Variants in SLC8A1 observed in about 807,000 individuals in gnomAD.
The protein encoded by SLC8A1 is sodium/calcium exchanger 1.
A neutral mutation model predicts 68.3 loss-of-function variants in SLC8A1; 18 were observed. The ratio of observed to expected loss-of-function variants is 0.26; its 90% CI spans 0.18 to 0.39. The LOEUF is 0.39. Ranked by LOEUF, SLC8A1 falls within the 10% of genes least tolerant of loss-of-function variation. The pLI, the probability that SLC8A1 is intolerant of heterozygous loss-of-function variation, is 1.00. For synonymous variants in SLC8A1, 475 were observed against 415.5 expected, an observed-to-expected ratio of 1.14 and a Z score of -1.74; for missense variants, 985 against 1,156.7, an observed-to-expected ratio of 0.85 and a Z score of 2.15.
At chr2:40,342,924 T>A (rs546769373) in intron 2 of SLC8A1, among the ~76,000 whole-genome samples, 2 of 152,134 alleles carry the variant, frequency 1.3e-5, no homozygotes, top group South Asian at 4.1e-4. Context: ...GGGTAAAATG[T>A]GTCTGCACAG....
chr2:40,179,712 G>A (rs541458792), intron 2 of SLC8A1, among the ~76,000 whole-genome samples: 2 of 152,202 alleles, frequency 1.3e-5, no homozygotes, highest in South Asian at 2.1e-4. Flanking sequence ...GAAGGAAATT[G>A]GCTTATGATC....
At chr2:40,292,273 G>T (rs1157444554) in intron 2 of SLC8A1, among the ~76,000 whole-genome samples, 2 of 152,096 alleles carry the variant, frequency 1.3e-5, no homozygotes, top group Non-Finnish European at 2.9e-5. Flanking sequence ...CACAAGAGAA[G>T]CCATCAAAAG....
chr2:40,335,888 A>G (rs144689235), intron 2 of SLC8A1, among the ~76,000 whole-genome samples: 204 of 152,352 alleles, frequency 1.3e-3, no homozygotes, highest in African/African-American at 4.8e-3. Context: ...CAAGAAAGAG[A>G]TAAGTGAATT....
rs1344614892 is a variant in SLC8A1, at chr2:40,170,472, G to A, written c.1930+4353C>T. 9.7e-5 allele frequency: 78 copies of A among 802,504 alleles called. 1 individual carries two copies. In the Admixed American group the frequency reaches 1.6e-3, roughly 17 times the overall value. 49.7% of individuals were successfully genotyped at this position (802,504 alleles called of 1,614,324 possible). A position where few individuals can be genotyped will look rare whatever the true frequency, so the allele number is the denominator to read the frequency against. The stretch of plus-strand genomic sequence containing the variant: ...CACACATCACAAGCAACGTTAGTTT[G>A]GGGATTCAATGATCATAGGTCACCC... On this transcript the variant is annotated intron_variant, in intron 4 of 7. Coordinates refer to ENST00000406785, the Ensembl canonical transcript of SLC8A1.
At chr2:40,427,371 A>G (rs1408942190) in intron 2 of SLC8A1, among the ~76,000 whole-genome samples, 1 of 151,952 alleles carries the variant, frequency 6.6e-6, no homozygotes, top group Non-Finnish European at 1.5e-5. Context: ...AGAGTTAACT[A>G]TTTTCGAACT....
intron 2 of SLC8A1, among the ~76,000 whole-genome samples, chr2:40,325,199 C>T (rs1423212317): frequency 6.6e-6 from 1 of 152,064 alleles, no homozygotes; most frequent in Non-Finnish European, 1.5e-5. Context: ...GACAGTTTTC[C>T]TTGTGAGGCT....
intron 2 of SLC8A1, among the ~76,000 whole-genome samples, chr2:40,226,463 G>GA (rs1389672521): frequency 3.3e-5 from 5 of 152,160 alleles, no homozygotes; most frequent in African/African-American, 1.2e-4. Flanking sequence ...AAGGCACAGG[G>GA]AAAGTCTAGA....
At chr2:40,189,710 T>A (rs1193779540) in intron 2 of SLC8A1, 1 of 152,180 alleles carries the variant, frequency 6.6e-6, no homozygotes, top group African/African-American at 2.4e-5. Context: ...TCACTAGAAA[T>A]TAACATTTTA....
At chr2:40,355,663 G>A (rs1242636718) in intron 2 of SLC8A1, among the ~76,000 whole-genome samples, 1 of 152,098 alleles carries the variant, frequency 6.6e-6, no homozygotes, top group African/African-American at 2.4e-5. Context: ...AGGTCACTAA[G>A]CCAGTCAAAA....
At chr2:40,408,747 T>C (rs1691170658) in intron 2 of SLC8A1, among the ~76,000 whole-genome samples, 1 of 152,144 alleles carries the variant, frequency 6.6e-6, no homozygotes. Context: ...AGTTAGATAT[T>C]TAAAACTCAC....
At chr2:40,406,225 A>T (rs1559549330) in intron 2 of SLC8A1, among the ~76,000 whole-genome samples, 1 of 152,184 alleles carries the variant, frequency 6.6e-6, no homozygotes, top group Admixed American at 6.5e-5. Flanking sequence ...GCAAAATATG[A>T]TCTCCCTATA....
At chr2:40,264,691 G>A in intron 2 of SLC8A1, among the ~76,000 whole-genome samples, 1 of 152,300 alleles carries the variant, frequency 6.6e-6, no homozygotes, top group Middle Eastern at 3.4e-3. Context: ...CACACTCTGA[G>A]GACTGTTGTG....
chr2:40,119,648 T>G (rs914292742), intron 7 of SLC8A1, among the ~76,000 whole-genome samples: 8 of 152,244 alleles, frequency 5.3e-5, no homozygotes, highest in Admixed American at 1.3e-4. Context: ...GGTTGGCCCA[T>G]TAGATAAAAA....
chr2:40,335,948 A>T (rs1022780318), intron 2 of SLC8A1, among the ~76,000 whole-genome samples: 2 of 152,244 alleles, frequency 1.3e-5, no homozygotes, highest in Admixed American at 1.3e-4. Context: ...CAAGTACTAG[A>T]AAGTCAGTGG....
At chr2:40,344,565 T>A (rs115360083) in intron 2 of SLC8A1, among the ~76,000 whole-genome samples, 187 of 152,258 alleles carry the variant, frequency 1.2e-3, no homozygotes, top group Middle Eastern at 6.8e-3. Context: ...TGTAAACTAT[T>A]AGAGAGAAAA....
rs146983857 is a variant in SLC8A1, at chr2:40,413,828, A to T, written c.1808+14645T>A. On this transcript the variant is annotated intron_variant, in intron 2 of 7. Transcript: ENST00000406785. Reference sequence around the variant, plus strand: ...ACTAATCCTTGGATAAATATAACATAAATACATAGAAAAAGAAGCATTATG... The same window carrying T: ...ACTAATCCTTGGATAAATATAACATTAATACATAGAAAAAGAAGCATTATG... Among the ~76,000 whole-genome samples, 504 of 152,290 alleles carry T rather than the reference A, an allele frequency of 3.3e-3. 3 individuals carry two copies. Among genetic ancestry groups the T allele is most frequent in the African/African-American group, 0.011 (472 of 41,564 alleles).
intron 2 of SLC8A1, among the ~76,000 whole-genome samples, chr2:40,351,564 T>C (rs989942132): frequency 6.7e-6 from 1 of 148,756 alleles, no homozygotes; most frequent in Non-Finnish European, 1.5e-5. Flanking sequence ...TCAAGTAGAT[T>C]GGCATACTGA....
chr2:40,436,026 G>GCCT (rs36097667), intron 1 of SLC8A1, among the ~76,000 whole-genome samples: 7,424 of 150,652 alleles, frequency 0.049, 354 homozygotes, highest in East Asian at 0.26. Flanking sequence ...GCCTGCCTCA[G>GCCT]CCCTAAGTGC....
At position 40,344,563 on chromosome 2, in the gene SLC8A1, A is replaced by G. The variant is rs368781696; in HGVS notation, c.1808+83910T>C. Among the ~76,000 whole-genome samples, 101 of 152,306 alleles carry G rather than the reference A, an allele frequency of 6.6e-4. 3 individuals carry two copies. The East Asian group carries it at 0.012, about 17-fold the overall frequency. The stretch of plus-strand genomic sequence containing the variant: ...CTCACTGTTTATTTTAATGTAAACT[A>G]TTAGAGAGAAAAATGTCTGGGAGAA... On this transcript the variant is annotated intron_variant, in intron 2 of 7. Transcript: ENST00000406785.
Sources: gnomAD v4.1 joint callset for allele counts (sites outside exome capture counted in the v4.1 genomes callset) on GRCh38, gnomAD v4.1.1 for gene constraint, MANE v1.5 for transcripts, NCBI Gene and HGNC (gene_info 2026-07-23, HGNC 2026-07-21) for gene names.